Variants in PM20D1 observed in about 807,000 individuals in gnomAD.
PM20D1 encodes the protein peptidase M20 domain containing 1.
A neutral mutation model predicts 53.8 loss-of-function variants in PM20D1; 53 were observed. The observed-to-expected ratio is 0.98, with a 90% CI of 0.79 to 1.24. The LOEUF is 1.24. Ranked by LOEUF, PM20D1 falls within the 50% of genes most tolerant of loss-of-function variation. The pLI is 0.00. For synonymous variants in PM20D1, 239 were observed against 241.3 expected (o/e 0.99, Z 0.09); for missense variants, 564 against 616.8 (o/e 0.91, Z 0.91).
chr1:205,831,967 C>A (rs1162766122), intron 11 of PM20D1, among the ~76,000 whole-genome samples: 1 of 152,154 alleles, frequency 6.6e-6, no homozygotes, highest in Non-Finnish European at 1.5e-5. Flanking sequence ...GTGAAAAAGG[C>A]AAATTCCAGG....
intron 6 of PM20D1, 110 bp from the exon 7 acceptor site, chr1:205,842,861 G>A (rs1446852830): frequency 2.2e-6 from 2 of 890,610 alleles, no homozygotes; most frequent in Non-Finnish European, 3.6e-6. Context: ...CTGGCCAAGA[G>A]GTCTCTCATT....
chr1:205,850,010 G>A lies in PM20D1; in HGVS notation c.63C>T (p.Thr21=), dbSNP rs768855458. ...LVAMLLLVFP[T]VSRSMGPRSG... is the part of the protein sequence containing the mutation. ...TCCTCGGGCCCATCGATCTGGAGAC[G>A]GTAGGGAAAACTAGGAGCAGCATAG... The change falls in exon 1 of 13, where the codon ACC becomes ACT. Residue 21 remains threonine, a synonymous_variant. Coordinates refer to ENST00000367136, the MANE Select transcript of PM20D1 (RefSeq NM_152491.5). 7 of 1,614,024 alleles carry A rather than the reference G, an allele frequency of 4.3e-6. No individual in the cohort carries two copies. In the Admixed American group the frequency reaches 1.0e-4, roughly 23 times the overall value.
chr1:205,835,513 G>A (rs960229597), intron 10 of PM20D1, among the ~76,000 whole-genome samples: 3 of 152,016 alleles, frequency 2.0e-5, no homozygotes, highest in East Asian at 1.9e-4. Context: ...TTAGCTGGGC[G>A]TGGTGGCGGG....
chr1:205,840,192 CCTGAGGG>C, intron 10 of PM20D1, 53 bp downstream of exon 10: 2 of 1,506,520 alleles, frequency 1.3e-6, no homozygotes, highest in Non-Finnish European at 1.8e-6. Context: ...AAACCCGGGC[CCTGAGGG>C]CCACATCTCC....
At chr1:205,839,221 C>T (rs1033928358) in intron 10 of PM20D1, among the ~76,000 whole-genome samples, 1 of 152,220 alleles carries the variant, frequency 6.6e-6, no homozygotes, top group East Asian at 1.9e-4. Flanking sequence ...CGTTAAGCCA[C>T]AATGAATGTC....
At chr1:205,838,193 C>T (rs952356457) in intron 10 of PM20D1, among the ~76,000 whole-genome samples, 1 of 152,154 alleles carries the variant, frequency 6.6e-6, no homozygotes, top group Non-Finnish European at 1.5e-5. Context: ...TGCCCCTAAC[C>T]CTGGTATATT....
At chr1:205,830,583 G>A (rs972242806) in intron 11 of PM20D1, among the ~76,000 whole-genome samples, 1 of 150,462 alleles carries the variant, frequency 6.6e-6, no homozygotes, top group Non-Finnish European at 1.5e-5. Flanking sequence ...GCATTGGTGA[G>A]ACATCCCTTG....
At chr1:205,843,222 A>G (rs535332822) in intron 6 of PM20D1, among the ~76,000 whole-genome samples, 34 of 152,236 alleles carry the variant, frequency 2.2e-4, no homozygotes, top group Non-Finnish European at 4.6e-4. Context: ...AGTCATTGCC[A>G]ATTTGTGATT....
At chr1:205,829,925 A>G in intron 12 of PM20D1, 1 of 197,112 alleles carries the variant, frequency 5.1e-6, no homozygotes, top group Non-Finnish European at 1.0e-5. Flanking sequence ...AATGCTGAGG[A>G]GTCTCCCCAT....
chr1:205,833,108 C>T (rs758738594), intron 10 of PM20D1, among the ~76,000 whole-genome samples: 2 of 152,226 alleles, frequency 1.3e-5, no homozygotes, highest in Non-Finnish European at 2.9e-5. Flanking sequence ...AAATTGACTA[C>T]TGGGTCACTA....
chr1:205,841,697 C>T (rs1656811847), intron 9 of PM20D1, 114 bp downstream of exon 9: 1 of 1,129,134 alleles, frequency 8.9e-7, no homozygotes, highest in South Asian at 1.4e-5. Context: ...CGTGGCTAGG[C>T]TTGGATCCAG....
chr1:205,846,503 T>G lies in PM20D1; in HGVS notation c.257-946A>C, dbSNP rs573447682. On this transcript the variant is annotated intron_variant, in intron 2 of 12. Transcript: ENST00000367136. ...CTATGCAGATGAGGGATGCATTAAA[T>G]TTTGACCATAGGAGGCCGCATTAAC... Among the ~76,000 whole-genome samples the G allele has an allele frequency of 2.0e-4, 31 of 152,356 alleles. 1 individual carries two copies. In the South Asian group the frequency reaches 6.4e-3, roughly 32 times the overall value.
At position 205,841,859 on chromosome 1, in the gene PM20D1, T is replaced by TG; in HGVS notation, c.995dup (p.Ile333AsnfsTer51). 2 of 1,567,734 alleles carry TG rather than the reference T, an allele frequency of 1.3e-6. No homozygotes were observed. Among genetic ancestry groups the TG allele is most frequent in the South Asian group, 2.3e-5 (2 of 85,702 alleles). On this transcript the variant is annotated frameshift_variant, in exon 9 of 13. Coordinates refer to ENST00000367136, the MANE Select transcript of PM20D1 (RefSeq NM_152491.5). LOFTEE classifies it high-confidence loss of function. Reference sequence around the variant, plus strand: ...TGAGTGCCGTGGTGGTCCTGATTATTGCATTGGTTAAGGGATTTCTCTCCA... The same window carrying TG: ...TGAGTGCCGTGGTGGTCCTGATTATTGGCATTGGTTAAGGGATTTCTCTCCA...
At chr1:205,830,605 CA>C (rs1195707122) in intron 11 of PM20D1, among the ~76,000 whole-genome samples, 2 of 149,864 alleles carry the variant, frequency 1.3e-5, no homozygotes, top group African/African-American at 4.9e-5. Context: ...ATGGACCATT[CA>C]AGGGATGTCT....
chr1:205,840,444 A>C, intron 9 of PM20D1, 121 bp from the exon 10 acceptor site: 1 of 785,250 alleles, frequency 1.3e-6, no homozygotes, highest in Non-Finnish European at 2.0e-6. Context: ...TAAGGACCCA[A>C]GGCTTAGCTT....
Position 205,845,506 on chromosome 1 carries a change from T to C in PM20D1, c.308A>G (p.Glu103Gly). The C allele has an allele frequency of 1.2e-6, 2 of 1,614,188 alleles. No individual in the cohort carries two copies. Among genetic ancestry groups the C allele is most frequent in the East Asian group, 2.2e-5 (1 of 44,878 alleles). ...TSFIQHEVVE[E>G]YSHLFTIQGS... ...TTGGATAGTGAACAGGTGGCTATAC[T>C]CTTCCACGACTTCATGCTGGATAAA... is the stretch of plus-strand genomic sequence containing the variant. Residue 103 changes from glutamate to glycine, a missense_variant, in exon 3 of 13, where the codon GAG (glutamate) becomes GGG (glycine). By Grantham distance (98) the Glu-to-Gly change is moderately conservative. Coordinates refer to ENST00000367136, the MANE Select transcript of PM20D1 (RefSeq NM_152491.5).
In PM20D1 at chr1:205,847,884, C is replaced by T; in HGVS notation, c.256+1G>A. 6.4e-7 allele frequency: 1 copy of T among 1,553,152 alleles called. No homozygotes were observed. Among genetic ancestry groups the T allele is most frequent in the Non-Finnish European group, 8.9e-7 (1 of 1,125,758 alleles). On this transcript the variant is annotated splice_donor_variant, in intron 2 of 12. Transcript: ENST00000367136. LOFTEE classifies it high-confidence loss of function. Reference sequence around the variant, plus strand: ...CCCCTTGCCCCTGATTTGCAGCTGACCTTTATGAATGTATTTTCCGAACTC... The same window carrying T: ...CCCCTTGCCCCTGATTTGCAGCTGATCTTTATGAATGTATTTTCCGAACTC...
chr1:205,829,877 C>T (rs1472922634), intron 12 of PM20D1: 1 of 160,670 alleles, frequency 6.2e-6, no homozygotes, highest in Non-Finnish European at 1.4e-5. Context: ...TCAAAACACG[C>T]ATCCACCTTT....
chr1:205,844,279 C>T (rs1214368572), intron 4 of PM20D1, 62 bp from the exon 5 acceptor site: 7 of 1,499,244 alleles, frequency 4.7e-6, no homozygotes, highest in Non-Finnish European at 6.3e-6. Flanking sequence ...CCAGACATAG[C>T]TAATGGGGAC....
Sources: allele counts gnomAD v4.1 joint callset (sites outside exome capture counted in the v4.1 genomes callset), GRCh38; gene constraint gnomAD v4.1.1; transcripts MANE v1.5; gene names NCBI Gene and HGNC (gene_info 2026-07-23, HGNC 2026-07-21).